BAG4: variants seen among roughly 807,000 people sequenced by gnomAD.
The protein encoded by BAG4 is BAG family molecular chaperone regulator 4.
Under a neutral mutation model 52.1 loss-of-function variants are expected in BAG4, and 28 were observed. That is an observed-to-expected ratio of 0.54 (90% CI 0.40 to 0.74). The LOEUF (loss-of-function observed/expected upper bound fraction) is 0.74, where lower values mean the gene tolerates loss of function less well. Among genes scored for constraint, BAG4 ranks in the 30% least tolerant of loss-of-function variants. The pLI is 0.00. For synonymous variants in BAG4, 208 were observed against 217.0 expected (o/e 0.96, Z 0.37); for missense variants, 525 against 572.0 (o/e 0.92, Z 0.84).
chr8:38,197,308 C>CTAGGCTATATGGTATAGCCTA (rs1803577948), intron 2 of BAG4, among the ~76,000 whole-genome samples: 2 of 152,234 alleles, frequency 1.3e-5, no homozygotes, highest in Admixed American at 1.3e-4. Context: ...TACTATATAC[C>CTAGGCTATATGGTATAGCCTA]TAGGCTATAT....
intron 1 of BAG4, among the ~76,000 whole-genome samples, chr8:38,184,365 G>T (rs752325087): frequency 1.6e-4 from 25 of 152,086 alleles, no homozygotes; most frequent in Non-Finnish European, 5.9e-5. Flanking sequence ...TACTCAGGAG[G>T]CTGAGGTGGG....
chr8:38,186,519 GACTGGTTAGATTC>G (rs1372616528), intron 1 of BAG4, among the ~76,000 whole-genome samples: 9 of 152,196 alleles, frequency 5.9e-5, no homozygotes, highest in African/African-American at 1.7e-4. Context: ...ATAGGGAAGA[GACTGGTTAGATTC>G]ACTGGAGATG....
Position 38,212,555 on chromosome 8 carries a change from T to G in BAG4, c.*2062T>G, listed in dbSNP as rs1803882223. 1 of 152,218 alleles carries G rather than the reference T, an allele frequency of 6.6e-6. No homozygotes were observed. Among genetic ancestry groups the G allele is most frequent in the African/African-American group, 2.4e-5 (1 of 41,458 alleles). 9.4% of individuals were successfully genotyped at this position (152,218 alleles called of 1,614,324 possible). Reference sequence around the variant, plus strand: ...TAGAAAGTTTAAAAAGTAGAGATTTTAGTCTTTTCACTAATGTCCTTTTAC... The same window carrying G: ...TAGAAAGTTTAAAAAGTAGAGATTTGAGTCTTTTCACTAATGTCCTTTTAC... On this transcript the variant is annotated 3_prime_UTR_variant, in exon 5 of 5. Coordinates refer to ENST00000287322, the MANE Select transcript of BAG4 (RefSeq NM_004874.4).
intron 2 of BAG4, among the ~76,000 whole-genome samples, chr8:38,198,433 A>G (rs1442970910): frequency 7.0e-6 from 1 of 142,598 alleles, no homozygotes; most frequent in Non-Finnish European, 1.5e-5. Flanking sequence ...ATTTCTTTAT[A>G]TCCTTATTCT....
At chr8:38,177,194 T>C in intron 1 of BAG4, 55 bp downstream of exon 1, 1 of 1,592,596 alleles carries the variant, frequency 6.3e-7, no homozygotes, top group East Asian at 2.2e-5. Context: ...GGGGCTGGGG[T>C]TCGTAAAGGA....
rs1413902214 is a variant in BAG4 at position 38,211,205 on chromosome 8, T to C, written c.*712T>C. 58 of 147,156 alleles carry C rather than the reference T, an allele frequency of 3.9e-4. No homozygotes were observed. Among genetic ancestry groups the C allele is most frequent in the Middle Eastern group, 3.5e-3 (1 of 284 alleles). 9.1% of individuals were successfully genotyped at this position (147,156 alleles called of 1,614,324 possible). A position where few individuals can be genotyped will look rare whatever the true frequency, so the allele number is the denominator to read the frequency against. On this transcript the variant is annotated 3_prime_UTR_variant, in exon 5 of 5. Coordinates refer to ENST00000287322, the MANE Select transcript of BAG4 (RefSeq NM_004874.4). The stretch of plus-strand genomic sequence containing the variant: ...ATTAGGTTAGAGTTTTTTTCTTCTT[T>C]TTTTTTTTTTTTTTTTTTTACCACT...
Position 38,193,365 on chromosome 8 carries a change from G to A in BAG4, c.378+570G>A, listed in dbSNP as rs142326278. On this transcript the variant is annotated intron_variant, in intron 2 of 4. Coordinates refer to ENST00000287322, the MANE Select transcript of BAG4 (RefSeq NM_004874.4). The stretch of plus-strand genomic sequence containing the variant: ...ACCCAGGAGGCGGAGGTTGCAGTGA[G>A]CTGAGATCACACCATTACACTCCAG... 6.8e-3 allele frequency among the ~76,000 whole-genome samples: 1,037 copies of A among 151,956 alleles called. 10 individuals carry two copies. The highest frequency in any genetic ancestry group is 9.4e-3 in the Non-Finnish European group (642 of 67,962).
At chr8:38,196,950 G>A (rs1382919152) in intron 2 of BAG4, among the ~76,000 whole-genome samples, 2 of 150,554 alleles carry the variant, frequency 1.3e-5, no homozygotes, top group Non-Finnish European at 3.0e-5. Context: ...GGTGGCAGGC[G>A]CTTGTAATCC....
At position 38,211,794 on chromosome 8, in the gene BAG4, G is replaced by C. The variant is rs1314208704; in HGVS notation, c.*1301G>C. ...AATTTAAGAAAAGGATATTGAAAGGGTCTTTATTGGCCTTGTTTGGGTAAC... is the reference window on the plus strand; with the variant it reads ...AATTTAAGAAAAGGATATTGAAAGGCTCTTTATTGGCCTTGTTTGGGTAAC... On this transcript the variant is annotated 3_prime_UTR_variant, in exon 5 of 5. Transcript: ENST00000287322. 2.0e-5 allele frequency: 3 copies of C among 152,068 alleles called. No homozygotes were observed. Among genetic ancestry groups the C allele is most frequent in the Non-Finnish European group, 4.4e-5 (3 of 67,972 alleles). The allele number at this position is 152,068 out of a possible 1,614,324, so 9.4% of individuals were successfully genotyped here.
At chr8:38,182,057 G>A (rs1803284288) in intron 1 of BAG4, among the ~76,000 whole-genome samples, 1 of 152,156 alleles carries the variant, frequency 6.6e-6, no homozygotes, top group African/African-American at 2.4e-5. Context: ...TCATCTTACA[G>A]TAAGGGAAGT....
At chr8:38,207,145 G>A (rs947687371) in intron 2 of BAG4, among the ~76,000 whole-genome samples, 5 of 151,968 alleles carry the variant, frequency 3.3e-5, no homozygotes, top group African/African-American at 1.2e-4. Flanking sequence ...TAGAGATGGG[G>A]TTTCACCATT....
rs1182810049 is a variant in BAG4 at position 38,212,169 on chromosome 8, A to C, written c.*1676A>C. 6.6e-6 allele frequency: 1 copy of C among 152,220 alleles called. No individual in the cohort carries two copies. The highest frequency in any genetic ancestry group is 2.4e-5 in the African/African-American group (1 of 41,468). The allele number at this position is 152,220 out of a possible 1,614,324, so 9.4% of individuals were successfully genotyped here. The stretch of plus-strand genomic sequence containing the variant: ...TGTTTAAAAAAGGCTTTTCTATGAA[A>C]ATTAGAAATTTATACTTGAAATTAA... On this transcript the variant is annotated 3_prime_UTR_variant, in exon 5 of 5. Transcript: ENST00000287322.
At chr8:38,205,202 A>ATTTTTTT (rs35284937) in intron 2 of BAG4, among the ~76,000 whole-genome samples, 28 of 79,316 alleles carry the variant, frequency 3.5e-4, no homozygotes, top group Non-Finnish European at 4.3e-4. Flanking sequence ...CAGCTAATTA[A>ATTTTTTT]TTTTTTTTTT....
chr8:38,201,866 ATATATATATATATATTTTT>A (rs1803676033), intron 2 of BAG4: 1 of 7,992 alleles, frequency 1.3e-4, no homozygotes, highest in Non-Finnish European at 2.6e-4. Context: ...ATATATATAT[ATATATATATATATATTTTT>A]TTTTTTTTTT....
chr8:38,208,737 A>G (rs1803817599), intron 3 of BAG4, among the ~76,000 whole-genome samples: 1 of 152,142 alleles, frequency 6.6e-6, no homozygotes, highest in Admixed American at 6.5e-5. Flanking sequence ...TATAGTATCT[A>G]TGGGACAGAC....
intron 2 of BAG4, among the ~76,000 whole-genome samples, chr8:38,194,718 G>A (rs1803533752): frequency 2.0e-5 from 3 of 150,876 alleles, no homozygotes; most frequent in South Asian, 4.2e-4. Flanking sequence ...CTGGCCAGGT[G>A]TGTACATTTT....
In BAG4 at chr8:38,209,991, T is replaced by G; in HGVS notation, c.889-17T>G. ...ATTAAAACAGCTCTTTTCCTCTTTT[T>G]GCTCTCCCACTCCAAGGATTCTTCA... On this transcript the variant is annotated splice_polypyrimidine_tract_variant and intron_variant, in intron 4 of 4. Coordinates refer to ENST00000287322, the MANE Select transcript of BAG4 (RefSeq NM_004874.4). 3 of 1,605,318 alleles carry G rather than the reference T, an allele frequency of 1.9e-6. No homozygotes were observed. The highest frequency in any genetic ancestry group is 4.5e-5 in the East Asian group (2 of 44,742).
intron 1 of BAG4, among the ~76,000 whole-genome samples, chr8:38,181,309 A>G (rs185116828): frequency 1.5e-3 from 207 of 142,104 alleles, no homozygotes; most frequent in African/African-American, 5.2e-3. Context: ...ATCTTGGCTC[A>G]CTGCAACCTC....
At chr8:38,179,766 CA>C (rs397955412) in intron 1 of BAG4, among the ~76,000 whole-genome samples, 46 of 140,904 alleles carry the variant, frequency 3.3e-4, no homozygotes, top group Non-Finnish European at 3.4e-4. Flanking sequence ...AACTCCATCT[CA>C]AAAAAAAAAA....
Sources: allele counts gnomAD v4.1 joint callset (sites outside exome capture counted in the v4.1 genomes callset), GRCh38; gene constraint gnomAD v4.1.1; transcripts MANE v1.5; gene names NCBI Gene and HGNC (gene_info 2026-07-23, HGNC 2026-07-21).